RPH3A: variants seen among roughly 807,000 people sequenced by gnomAD.
RPH3A encodes rabphilin 3A.
RPH3A carries 48 observed loss-of-function variants against 102.2 expected under a neutral mutation model. The observed-to-expected ratio is 0.47, with a 90% confidence interval of 0.37 to 0.60. The LOEUF is 0.60. RPH3A is among the 20% of genes least tolerant of loss of function. The pLI, the probability that RPH3A is intolerant of heterozygous loss-of-function variation, is 0.00. For synonymous variants in RPH3A, 310 were observed against 324.3 expected, an observed-to-expected ratio of 0.96 and a Z score of 0.47; for missense variants, 781 against 910.1, an observed-to-expected ratio of 0.86 and a Z score of 1.83.
intron 1 of RPH3A, among the ~76,000 whole-genome samples, chr12:112,693,531 C>T (rs181913096): frequency 2.0e-5 from 3 of 152,294 alleles, no homozygotes; most frequent in Non-Finnish European, 2.9e-5. Context: ...TTTCCCACCT[C>T]TCTGATTTCA....
In RPH3A at chr12:112,797,690, A is replaced by G. The variant is rs562592039; in HGVS notation, c.-19+5427A>G. Among the ~76,000 whole-genome samples, 222 of 150,884 alleles carry G rather than the reference A, an allele frequency of 1.5e-3. No individual in the cohort carries two copies. The Middle Eastern group carries it at 0.024, about 16-fold the overall frequency. ...GCGGTGGCTTTGAGAGTGAATGAAA[A>G]AAAAAATTTTTTTTTTTTTGATAGG... On this transcript the variant is annotated intron_variant, in intron 2 of 21. Transcript: ENST00000389385.
Position 112,702,783 on chromosome 12 carries a change from GTTC to G in RPH3A, c.-139-89354_-139-89352del, listed in dbSNP as rs1031509490. Reference sequence around the variant, plus strand: ...CACATGCCATTAGTGGAGATTCGGAGTTCTTCTTAGCATATTAAAGGACCTGAC... The same window carrying G: ...CACATGCCATTAGTGGAGATTCGGAGTTCTTAGCATATTAAAGGACCTGAC... On this transcript the variant is annotated intron_variant, in intron 1 of 21. Transcript: ENST00000543106. Among the ~76,000 whole-genome samples, 5 of 152,358 alleles carry G rather than the reference GTTC, an allele frequency of 3.3e-5. No individual in the cohort carries two copies. In the South Asian group the frequency reaches 6.2e-4, roughly 19 times the overall value.
At chr12:112,729,281 G>A (rs1426516718) in intron 1 of RPH3A, among the ~76,000 whole-genome samples, 1 of 152,060 alleles carries the variant, frequency 6.6e-6, no homozygotes, top group African/African-American at 2.4e-5. Context: ...GACCCAGCTA[G>A]GAGACTGAAA....
At chr12:112,693,845 T>A (rs2040325734) in intron 1 of RPH3A, among the ~76,000 whole-genome samples, 1 of 152,264 alleles carries the variant, frequency 6.6e-6, no homozygotes. Flanking sequence ...GCCATTTATC[T>A]GTCTCTTGTT....
At chr12:112,648,973 C>T (rs232920) in intron 1 of RPH3A, among the ~76,000 whole-genome samples, 123,434 of 151,976 alleles carry the variant, frequency 0.81, 50,279 homozygotes, top group East Asian at 0.92. Flanking sequence ...CATATGCCAC[C>T]GCACCTGGCT....
At chr12:112,675,245 AT>A (rs2136012045) in intron 1 of RPH3A, among the ~76,000 whole-genome samples, 1 of 152,250 alleles carries the variant, frequency 6.6e-6, no homozygotes, top group Non-Finnish European at 1.5e-5. Flanking sequence ...AGGAGGCATC[AT>A]GGTTTTTCTG....
chr12:112,640,971 C>A (rs1308143473), intron 1 of RPH3A, among the ~76,000 whole-genome samples: 2 of 152,068 alleles, frequency 1.3e-5, no homozygotes, highest in African/African-American at 2.4e-5. Context: ...GTGTCTGGGG[C>A]ATGGAAAATG....
In RPH3A at chr12:112,677,473, C is replaced by CCTTCCTTT. The variant is rs1566254598; in HGVS notation, c.-140+102161_-140+102162insTCTTCCTT. Among the ~76,000 whole-genome samples the CCTTCCTTT allele has an allele frequency of 5.3e-4, 75 of 140,220 alleles. 2 individuals carry two copies. The highest frequency in any genetic ancestry group is 2.0e-3 in the African/African-American group (70 of 35,508). 92.0% of individuals were successfully genotyped at this position (140,220 alleles called of 152,430 possible). ...TCCTTCCTTCCTTCCTTCCTTCCTT[C>CCTTCCTTT]CTTCCTTCCTTCCCTCTTTCTCTTT... is the stretch of plus-strand genomic sequence containing the variant. On this transcript the variant is annotated intron_variant, in intron 1 of 21. Transcript: ENST00000543106.
intron 1 of RPH3A, among the ~76,000 whole-genome samples, chr12:112,760,414 A>T (rs1408564235): frequency 2.0e-5 from 3 of 152,236 alleles, no homozygotes; most frequent in Non-Finnish European, 2.9e-5. Flanking sequence ...AGCAACTGAT[A>T]GCAAATTAAA....
chr12:112,805,794 C>T (rs905189426), intron 2 of RPH3A, among the ~76,000 whole-genome samples: 3 of 152,122 alleles, frequency 2.0e-5, no homozygotes, highest in South Asian at 2.1e-4. Flanking sequence ...TGGGACCTCC[C>T]TCAATCAACA....
At chr12:112,847,925 CG>C (rs1281463444) in intron 5 of RPH3A, 83 bp downstream of exon 5, 2 of 1,496,986 alleles carry the variant, frequency 1.3e-6, no homozygotes, top group East Asian at 4.8e-5. Context: ...TGGCCTCAAA[CG>C]GGGTGTGCTG....
At chr12:112,734,497 A>G (rs922792683) in intron 1 of RPH3A, among the ~76,000 whole-genome samples, 2 of 152,198 alleles carry the variant, frequency 1.3e-5, no homozygotes, top group Admixed American at 6.5e-5. Flanking sequence ...AGACCCCAAG[A>G]GAGGGTTCTT....
At chr12:112,608,639 C>A (rs1413679115) in intron 1 of RPH3A, among the ~76,000 whole-genome samples, 2 of 152,264 alleles carry the variant, frequency 1.3e-5, no homozygotes, top group African/African-American at 4.8e-5. Flanking sequence ...GAAATGCAAA[C>A]CTTCTTGTAA....
chr12:112,730,570 A>G (rs1005247055), intron 1 of RPH3A, among the ~76,000 whole-genome samples: 3 of 152,224 alleles, frequency 2.0e-5, no homozygotes, highest in African/African-American at 7.2e-5. Context: ...CGCATCCAGC[A>G]TCTCTCTCCG....
chr12:112,645,941 A>G (rs1020762881), intron 1 of RPH3A, among the ~76,000 whole-genome samples: 1 of 152,136 alleles, frequency 6.6e-6, no homozygotes, highest in Non-Finnish European at 1.5e-5. Context: ...GACACTAGCT[A>G]TGGCACTCTG....
chr12:112,865,041 T>C (rs184787725), intron 5 of RPH3A, among the ~76,000 whole-genome samples: 63 of 152,172 alleles, frequency 4.1e-4, no homozygotes, highest in Non-Finnish European at 1.5e-5. Context: ...AAGGGTAAGT[T>C]TGAGATGCCT....
rs1201692870 is a variant in RPH3A at position 112,898,273 on chromosome 12, T to C, written c.*1493T>C. 2 of 152,226 alleles carry C rather than the reference T, an allele frequency of 1.3e-5. No individual in the cohort carries two copies. Among genetic ancestry groups the C allele is most frequent in the Admixed American group, 6.5e-5 (1 of 15,288 alleles). The allele number at this position is 152,226 out of a possible 1,614,324, so 9.4% of individuals were successfully genotyped here. On this transcript the variant is annotated 3_prime_UTR_variant, in exon 22 of 22. Coordinates refer to ENST00000389385, the MANE Select transcript of RPH3A (RefSeq NM_001143854.2). The stretch of plus-strand genomic sequence containing the variant: ...GTGGGCAAACATTACAAATTTGAGG[T>C]TGAAGTCAGGCAATCTTCAATGCCC...
chr12:112,650,212 C>T (rs922732660), intron 1 of RPH3A, among the ~76,000 whole-genome samples: 1 of 152,182 alleles, frequency 6.6e-6, no homozygotes, highest in Non-Finnish European at 1.5e-5. Context: ...TCTACATTAC[C>T]TCATCTCTAA....
At chr12:112,843,866 A>G (rs1411975755) in intron 4 of RPH3A, among the ~76,000 whole-genome samples, 2 of 152,176 alleles carry the variant, frequency 1.3e-5, no homozygotes, top group Non-Finnish European at 2.9e-5. Flanking sequence ...GCTGAATTCC[A>G]TTATGACTGG....
Sources: gnomAD v4.1 joint callset for allele counts (sites outside exome capture counted in the v4.1 genomes callset) on GRCh38, gnomAD v4.1.1 for gene constraint, MANE v1.5 for transcripts, NCBI Gene and HGNC (gene_info 2026-07-23, HGNC 2026-07-21) for gene names.